PRIM2: variants seen among roughly 807,000 people sequenced by gnomAD.
The protein encoded by PRIM2 is DNA primase large subunit.
PRIM2 carries 39 observed loss-of-function variants against 67.3 expected under a neutral mutation model. That is an observed-to-expected ratio of 0.58 (90% CI 0.45 to 0.76). The LOEUF is 0.76. Among genes scored for constraint, PRIM2 ranks in the 30% least tolerant of loss-of-function variants. The pLI is 0.00. For missense variants in PRIM2, 398 were observed against 598.7 expected (o/e 0.66, Z 3.50); for synonymous variants, 143 against 198.7 (o/e 0.72, Z 2.36).
chr6:57,495,480 C>T (rs1266197893), intron 7 of PRIM2, among the ~76,000 whole-genome samples: 3 of 152,168 alleles, frequency 2.0e-5, no homozygotes, highest in Non-Finnish European at 4.4e-5. Flanking sequence ...ATACTTTCTG[C>T]AGCATCTGTT....
the PRIM2 span, among the ~76,000 whole-genome samples, chr6:57,256,855 C>G: frequency 6.6e-6 from 1 of 152,204 alleles, no homozygotes; most frequent in African/African-American, 2.4e-5. Context: ...CTTCATCTAT[C>G]TAACTGATGT....
At chr6:57,518,594 G>A (rs1774537929) in intron 8 of PRIM2, among the ~76,000 whole-genome samples, 1 of 152,066 alleles carries the variant, frequency 6.6e-6, no homozygotes, top group African/African-American at 2.4e-5. Context: ...TATAGAAACT[G>A]TCAGGTTAAA....
the PRIM2 span, among the ~76,000 whole-genome samples, chr6:57,274,328 C>T: frequency 1.2e-4 from 18 of 152,312 alleles, no homozygotes; most frequent in African/African-American, 2.2e-4. Flanking sequence ...TCGGCAATGG[C>T]GGGTGCCCCT....
At chr6:57,452,450 C>G (rs112409077) in intron 7 of PRIM2, among the ~76,000 whole-genome samples, 1 of 152,086 alleles carries the variant, frequency 6.6e-6, no homozygotes, top group African/African-American at 2.4e-5. Context: ...CATCTGTTGT[C>G]TCCTGACTTT....
At chr6:57,380,120 G>A in intron 6 of PRIM2, 124 bp downstream of exon 6, 1 of 718,956 alleles carries the variant, frequency 1.4e-6, no homozygotes, top group Admixed American at 3.0e-5. Flanking sequence ...CTCCTGCACA[G>A]ATACTGTCCT....
At chr6:57,418,136 T>A (rs537689617) in intron 7 of PRIM2, among the ~76,000 whole-genome samples, 1 of 152,044 alleles carries the variant, frequency 6.6e-6, no homozygotes, top group African/African-American at 2.4e-5. Context: ...GAGGTACTTA[T>A]AAAGAAGAAG....
the PRIM2 span, among the ~76,000 whole-genome samples, chr6:57,234,099 T>C: frequency 6.6e-6 from 1 of 152,202 alleles, no homozygotes; most frequent in African/African-American, 2.4e-5. Context: ...CTAAATTTCT[T>C]TCAAACACAG....
intron 12 of PRIM2, among the ~76,000 whole-genome samples, chr6:57,626,979 A>G (rs1489773262): frequency 1.9e-4 from 29 of 151,850 alleles, no homozygotes; most frequent in African/African-American, 7.0e-4. Context: ...ACTGATAGAG[A>G]ATAGTTAAAA....
chr6:57,400,907 A>G (rs1044727148), intron 7 of PRIM2, among the ~76,000 whole-genome samples: 1 of 152,122 alleles, frequency 6.6e-6, no homozygotes, highest in Non-Finnish European at 1.5e-5. Flanking sequence ...TCTGCTGTTA[A>G]TACTTGTGAT....
At chr6:57,287,836 T>G in the PRIM2 span, among the ~76,000 whole-genome samples, 1 of 151,844 alleles carries the variant, frequency 6.6e-6, no homozygotes, top group African/African-American at 2.4e-5. Flanking sequence ...ACAGATCTGG[T>G]CTGCAGCTCC....
chr6:57,356,987 G>A (rs1330345271), intron 5 of PRIM2, among the ~76,000 whole-genome samples: 1 of 144,342 alleles, frequency 6.9e-6, no homozygotes, highest in Non-Finnish European at 1.5e-5. Context: ...AGGCTGGAGT[G>A]TAGTGGTGCA....
At chr6:57,549,594 G>C (rs1348998879) in intron 10 of PRIM2, among the ~76,000 whole-genome samples, 1 of 151,948 alleles carries the variant, frequency 6.6e-6, no homozygotes, top group African/African-American at 2.4e-5. Flanking sequence ...ATGTACTAAA[G>C]AAATATTGAA....
rs78269251 is a variant in PRIM2 at position 57,418,401 on chromosome 6, T to G, written c.693+36233T>G. Among the ~76,000 whole-genome samples the G allele has an allele frequency of 4.4e-4, 57 of 129,692 alleles. 1 individual carries two copies. In the South Asian group the frequency reaches 0.012, roughly 28 times the overall value. The allele number at this position is 129,692 out of a possible 152,430, so 85.1% of individuals were successfully genotyped here. A position where few individuals can be genotyped will look rare whatever the true frequency, so the allele number is the denominator to read the frequency against. On this transcript the variant is annotated intron_variant, in intron 7 of 13. Coordinates refer to ENST00000615550, the MANE Select transcript of PRIM2 (RefSeq NM_000947.5). ...GTGTGTGGTTTTTTTTTTTTTTTTT[T>G]TTTTTTTTTTTTTTTTAACAGATTC...
chr6:57,332,624 C>G (rs1459066000), intron 5 of PRIM2, among the ~76,000 whole-genome samples: 2 of 152,090 alleles, frequency 1.3e-5, no homozygotes, highest in African/African-American at 2.4e-5. Context: ...ATGTTCCTCT[C>G]TAGTAACATT....
At chr6:57,323,056 G>A (rs952187419) in intron 3 of PRIM2, among the ~76,000 whole-genome samples, 1 of 151,500 alleles carries the variant, frequency 6.6e-6, no homozygotes, top group Non-Finnish European at 1.5e-5. Flanking sequence ...TGTAAAATAA[G>A]ATTATAGTAG....
intron 7 of PRIM2, among the ~76,000 whole-genome samples, chr6:57,429,107 C>T (rs1771733959): frequency 6.6e-6 from 1 of 152,168 alleles, no homozygotes; most frequent in African/African-American, 2.4e-5. Context: ...TGGAATCATA[C>T]TGTTGTTAAA....
the PRIM2 span, among the ~76,000 whole-genome samples, chr6:57,248,368 A>G: frequency 6.6e-6 from 1 of 152,124 alleles, no homozygotes; most frequent in African/African-American, 2.4e-5. Flanking sequence ...TACTCCTTTA[A>G]CTTTCATTTA....
chr6:57,376,594 G>A (rs1358512785), intron 5 of PRIM2, among the ~76,000 whole-genome samples: 1 of 152,126 alleles, frequency 6.6e-6, no homozygotes, highest in African/African-American at 2.4e-5. Flanking sequence ...ATACACAAAA[G>A]CTATTACGAT....
chr6:57,630,650 TTTC>T (rs1777024033), intron 12 of PRIM2, among the ~76,000 whole-genome samples: 1 of 152,072 alleles, frequency 6.6e-6, no homozygotes, highest in African/African-American at 2.4e-5. Context: ...TGTGAATCCA[TTTC>T]TTCTTCAGGT....
Sources: gnomAD v4.1 joint callset for allele counts (sites outside exome capture counted in the v4.1 genomes callset) on GRCh38, gnomAD v4.1.1 for gene constraint, MANE v1.5 for transcripts, NCBI Gene and HGNC (gene_info 2026-07-23, HGNC 2026-07-21) for gene names.